The following ARID3B variants were observed in gnomAD, a reference collection of about 807,000 sequenced individuals.
ARID3B encodes AT-rich interactive domain-containing protein 3B.
ARID3B carries 10 observed loss-of-function variants against 51.9 expected under a neutral mutation model. The observed-to-expected ratio is 0.19, with a 90% confidence interval of 0.12 to 0.33. The LOEUF (loss-of-function observed/expected upper bound fraction) is 0.33, where lower values mean the gene tolerates loss of function less well. Ranked by LOEUF, ARID3B falls within the 10% of genes least tolerant of loss-of-function variation. The pLI is 1.00. For synonymous variants in ARID3B, 205 were observed against 279.5 expected (o/e 0.73, Z 2.66); for missense variants, 483 against 716.3 (o/e 0.67, Z 3.72).
At chr15:74,546,438 A>G (rs2141372795) in intron 2 of ARID3B, among the ~76,000 whole-genome samples, 1 of 152,348 alleles carries the variant, frequency 6.6e-6, no homozygotes, top group Non-Finnish European at 1.5e-5. Flanking sequence ...GCGAGGAACA[A>G]GTGGAGCTCC....
chr15:74,555,938 C>G (rs1267313493), intron 2 of ARID3B, among the ~76,000 whole-genome samples: 2 of 151,506 alleles, frequency 1.3e-5, no homozygotes, highest in Non-Finnish European at 2.9e-5. Flanking sequence ...ACTACAGGCG[C>G]CCACCAGCAT....
chr15:74,590,102 C>T, intron 5 of ARID3B, 99 bp downstream of exon 5: 2 of 1,343,770 alleles, frequency 1.5e-6, no homozygotes, highest in Non-Finnish European at 2.0e-6. Flanking sequence ...GTATGGTTAG[C>T]AAGATGAGTG....
At chr15:74,553,909 C>T (rs1045603598) in intron 2 of ARID3B, among the ~76,000 whole-genome samples, 2 of 151,722 alleles carry the variant, frequency 1.3e-5, no homozygotes, top group African/African-American at 2.4e-5. Context: ...CTGCAACCTC[C>T]GCCTCCCGGG....
At chr15:74,564,955 C>T (rs2061692320) in intron 2 of ARID3B, among the ~76,000 whole-genome samples, 1 of 151,984 alleles carries the variant, frequency 6.6e-6, no homozygotes, top group Admixed American at 6.6e-5. Flanking sequence ...TAGGAGTTTG[C>T]TTAAATCCTT....
chr15:74,557,009 T>G (rs1013944357), intron 2 of ARID3B, among the ~76,000 whole-genome samples: 3 of 151,930 alleles, frequency 2.0e-5, no homozygotes, highest in African/African-American at 7.3e-5. Context: ...ACTCCTGACC[T>G]CGTGATCCAC....
intron 2 of ARID3B, among the ~76,000 whole-genome samples, chr15:74,568,594 A>G (rs1051036620): frequency 1.4e-4 from 22 of 152,200 alleles, no homozygotes; most frequent in African/African-American, 5.3e-4. Flanking sequence ...CACAAACACT[A>G]GCTTCCTGCT....
chr15:74,568,265 A>T (rs774284131), intron 2 of ARID3B, among the ~76,000 whole-genome samples: 3 of 152,214 alleles, frequency 2.0e-5, no homozygotes, highest in Non-Finnish European at 2.9e-5. Context: ...GTGCCATGAC[A>T]TGGGCATTTC....
chr15:74,578,309 G>T (rs1466269635), intron 4 of ARID3B, among the ~76,000 whole-genome samples: 2 of 151,792 alleles, frequency 1.3e-5, no homozygotes, highest in Non-Finnish European at 2.9e-5. Context: ...AAGTAGCTGG[G>T]ATTACAGGCA....
intron 4 of ARID3B, among the ~76,000 whole-genome samples, chr15:74,575,859 G>C (rs1567122852): frequency 6.6e-6 from 1 of 152,132 alleles, no homozygotes; most frequent in Non-Finnish European, 1.5e-5. Flanking sequence ...CTTTGGGATG[G>C]GTAGTCCTTG....
At position 74,591,093 on chromosome 15, in the gene ARID3B, C is replaced by T. The variant is rs1596264969; in HGVS notation, c.882-58C>T. 1 of 1,535,386 alleles carries T rather than the reference C, an allele frequency of 6.5e-7. No homozygotes were observed. Among genetic ancestry groups the T allele is most frequent in the Non-Finnish European group, 8.8e-7 (1 of 1,137,374 alleles). On this transcript the variant is annotated intron_variant, in intron 5 of 8. Transcript: ENST00000346246. The surrounding 1 kb of genome is among the most constrained non-coding windows in gnomAD (Gnocchi z 5.8). Reference sequence around the variant, plus strand: ...GCTTCCAGAGACCCACCAACCTCAACTGGGTGGTCTCTGGTGCTGTTTTGG... The same window carrying T: ...GCTTCCAGAGACCCACCAACCTCAATTGGGTGGTCTCTGGTGCTGTTTTGG...
At chr15:74,545,763 A>AG (rs1431725865) in intron 2 of ARID3B, among the ~76,000 whole-genome samples, 2 of 152,232 alleles carry the variant, frequency 1.3e-5, no homozygotes, top group Non-Finnish European at 2.9e-5. Flanking sequence ...TTGGATCAGG[A>AG]GGTCTGTACA....
At chr15:74,570,392 T>C (rs978407638) in intron 2 of ARID3B, among the ~76,000 whole-genome samples, 1 of 147,012 alleles carries the variant, frequency 6.8e-6, no homozygotes, top group Non-Finnish European at 1.5e-5. Flanking sequence ...GATTCCACCC[T>C]TTCCACCCAA....
At chr15:74,573,777 T>C (rs994420089) in intron 4 of ARID3B, 2 of 155,558 alleles carry the variant, frequency 1.3e-5, no homozygotes, top group Non-Finnish European at 2.8e-5. Context: ...AGTCTCGCTC[T>C]GTTGCCCAGG....
At chr15:74,548,384 T>C (rs2061623584) in intron 2 of ARID3B, among the ~76,000 whole-genome samples, 1 of 152,108 alleles carries the variant, frequency 6.6e-6, no homozygotes, top group Non-Finnish European at 1.5e-5. Flanking sequence ...CCAGGGTGCA[T>C]GTGTCCGATT....
chr15:74,573,094 T>A (rs2061724902), intron 3 of ARID3B, 38 bp from the exon 4 acceptor site: 1 of 1,611,194 alleles, frequency 6.2e-7, no homozygotes, highest in Non-Finnish European at 8.5e-7. Context: ...AGATGGAATT[T>A]TTCACTGTGT....
intron 2 of ARID3B, among the ~76,000 whole-genome samples, chr15:74,562,540 G>A (rs1024554780): frequency 6.6e-6 from 1 of 152,152 alleles, no homozygotes; most frequent in African/African-American, 2.4e-5. Context: ...CGGGGGGAAT[G>A]CAGTGGTGTG....
At chr15:74,576,044 G>A (rs763235968) in intron 4 of ARID3B, among the ~76,000 whole-genome samples, 1 of 152,078 alleles carries the variant, frequency 6.6e-6, no homozygotes, top group African/African-American at 2.4e-5. Context: ...CTATAGGTAG[G>A]CACCACCATG....
chr15:74,561,074 C>T (rs562583793), intron 2 of ARID3B, among the ~76,000 whole-genome samples: 36 of 152,246 alleles, frequency 2.4e-4, no homozygotes, highest in Admixed American at 1.3e-4. Flanking sequence ...TGTGACCCAC[C>T]GTGCCCAGCC....
intron 2 of ARID3B, among the ~76,000 whole-genome samples, chr15:74,558,503 T>G (rs1049385576): frequency 6.6e-6 from 1 of 152,152 alleles, no homozygotes; most frequent in Admixed American, 6.5e-5. Context: ...ATCTTTGACT[T>G]TTTAAAACTT....
Sources: gnomAD v4.1 joint callset for allele counts (sites outside exome capture counted in the v4.1 genomes callset) on GRCh38, gnomAD v4.1.1 for gene constraint, Gnocchi (gnomAD v3.1) non-coding constraint, MANE v1.5 for transcripts, NCBI Gene and HGNC (gene_info 2026-07-23, HGNC 2026-07-21) for gene names.